Variants in DOCK5 observed in about 807,000 individuals in gnomAD.
DOCK5 encodes dedicator of cytokinesis protein 5.
A neutral mutation model predicts 251.8 loss-of-function variants in DOCK5; 142 were observed. The observed-to-expected ratio is 0.56, with a 90% CI of 0.49 to 0.65. The LOEUF (loss-of-function observed/expected upper bound fraction) is 0.65. Among genes scored for constraint, DOCK5 ranks in the 30% least tolerant of loss-of-function variants. The pLI is 0.00. For missense variants in DOCK5, 2,111 were observed against 2,312.3 expected (o/e 0.91, Z 1.79); for synonymous variants, 842 against 835.5 (o/e 1.01, Z -0.13).
At chr8:25,326,181 A>G (rs181675350) in intron 18 of DOCK5, among the ~76,000 whole-genome samples, 1 of 152,304 alleles carries the variant, frequency 6.6e-6, no homozygotes, top group Non-Finnish European at 1.5e-5. Flanking sequence ...TGTGTAAGGA[A>G]CCCTACTGGA....
At chr8:25,354,027 T>TAAA (rs1291938160) in intron 27 of DOCK5, among the ~76,000 whole-genome samples, 1 of 7,768 alleles carries the variant, frequency 1.3e-4, no homozygotes, top group African/African-American at 2.0e-4. Flanking sequence ...GACTTTGTCT[T>TAAA]AAAAAAAAAA....
At chr8:25,402,869 G>A (rs940362470) in intron 47 of DOCK5, among the ~76,000 whole-genome samples, 1 of 152,154 alleles carries the variant, frequency 6.6e-6, no homozygotes, top group African/African-American at 2.4e-5. Flanking sequence ...GTTTCCTCCA[G>A]GGTATCTTTT....
intron 1 of DOCK5, among the ~76,000 whole-genome samples, chr8:25,241,502 A>G (rs1802944344): frequency 6.6e-6 from 1 of 152,128 alleles, no homozygotes; most frequent in African/African-American, 2.4e-5. Flanking sequence ...TCAGGAAACA[A>G]CAGATGCTGG....
At chr8:25,341,115 T>C in intron 23 of DOCK5, 127 bp downstream of exon 23, 1 of 612,324 alleles carries the variant, frequency 1.6e-6, no homozygotes, top group Non-Finnish European at 2.8e-6. Context: ...TTATGAATTT[T>C]AGTATGATTT....
intron 40 of DOCK5, among the ~76,000 whole-genome samples, chr8:25,386,735 T>C (rs1801170998): frequency 6.6e-6 from 1 of 152,104 alleles, no homozygotes; most frequent in South Asian, 2.1e-4. Flanking sequence ...TCCCATGAAA[T>C]CAGAAATGTG....
intron 25 of DOCK5, among the ~76,000 whole-genome samples, chr8:25,344,597 T>C (rs1039721190): frequency 6.6e-6 from 1 of 152,238 alleles, no homozygotes; most frequent in African/African-American, 2.4e-5. Context: ...ATCAGTAGCC[T>C]CCTTGGGCTC....
intron 1 of DOCK5, among the ~76,000 whole-genome samples, chr8:25,236,263 T>C (rs761504851): frequency 6.6e-6 from 1 of 152,164 alleles, no homozygotes; most frequent in Non-Finnish European, 1.5e-5. Flanking sequence ...CCGTCCTGGA[T>C]GGGTCTGAGC....
chr8:25,287,501 G>A (rs1316757939), intron 5 of DOCK5, among the ~76,000 whole-genome samples: 2 of 152,128 alleles, frequency 1.3e-5, no homozygotes, highest in African/African-American at 4.8e-5. Context: ...CCAAGTAGAA[G>A]AGGGAGAAAT....
intron 5 of DOCK5, among the ~76,000 whole-genome samples, chr8:25,279,448 G>T (rs1804130833): frequency 6.6e-6 from 1 of 151,856 alleles, no homozygotes; most frequent in South Asian, 2.1e-4. Context: ...CATCTCCAGT[G>T]TAGAAAGCTC....
At chr8:25,373,708 G>A in intron 36 of DOCK5, 50 bp downstream of exon 36, 1 of 1,519,932 alleles carries the variant, frequency 6.6e-7, no homozygotes, top group Non-Finnish European at 8.9e-7. Flanking sequence ...ATGGCTTTGT[G>A]ATTGATTTCT....
At chr8:25,380,860 A>G (rs1452850881) in intron 39 of DOCK5, among the ~76,000 whole-genome samples, 2 of 151,680 alleles carry the variant, frequency 1.3e-5, no homozygotes, top group Admixed American at 6.6e-5. Context: ...CAGTGGAGGC[A>G]GCCACCATTC....
chr8:25,310,578 G>C (rs562724331), intron 13 of DOCK5, 46 bp downstream of exon 13: 1 of 1,541,502 alleles, frequency 6.5e-7, no homozygotes, highest in African/African-American at 1.4e-5. Flanking sequence ...CCTGTTCAGC[G>C]ATTATTTCTT....
At position 25,373,608 on chromosome 8, in the gene DOCK5, T is replaced by C; in HGVS notation, c.3685-10T>C. Reference sequence around the variant, plus strand: ...TGTTGGGATTCTGTGATCCTTTTTTTTCCTGGCAGAACTTTTATAAAGAAA... The same window carrying C: ...TGTTGGGATTCTGTGATCCTTTTTTCTCCTGGCAGAACTTTTATAAAGAAA... On this transcript the variant is annotated splice_polypyrimidine_tract_variant and intron_variant, in intron 35 of 51. Transcript: ENST00000276440. 1 of 1,590,440 alleles carries C rather than the reference T, an allele frequency of 6.3e-7. No homozygotes were observed. The highest frequency in any genetic ancestry group is 8.6e-7 in the Non-Finnish European group (1 of 1,167,536).
intron 1 of DOCK5, among the ~76,000 whole-genome samples, chr8:25,221,442 G>A (rs112367984): frequency 0.022 from 3,284 of 152,200 alleles, 123 homozygotes; most frequent in African/African-American, 0.075. Flanking sequence ...TTGAGTAGCC[G>A]GGATTACAGG....
intron 1 of DOCK5, among the ~76,000 whole-genome samples, chr8:25,209,152 C>T (rs1586230000): frequency 8.0e-6 from 1 of 125,422 alleles, no homozygotes; most frequent in East Asian, 2.2e-4. Context: ...TATGAAATGC[C>T]ATTTGAAGGA....
At chr8:25,391,828 G>T in intron 42 of DOCK5, 68 bp from the exon 43 acceptor site, 1 of 1,445,554 alleles carries the variant, frequency 6.9e-7, no homozygotes, top group Middle Eastern at 1.7e-4. Flanking sequence ...TATAGGTTTT[G>T]TTGAAGTCAA....
At chr8:25,381,772 G>A (rs1192888649) in intron 39 of DOCK5, among the ~76,000 whole-genome samples, 1 of 152,126 alleles carries the variant, frequency 6.6e-6, no homozygotes, top group Non-Finnish European at 1.5e-5. Context: ...GTAGGGGAGG[G>A]GGCTCAGGTC....
chr8:25,410,058 C>T, intron 50 of DOCK5, 41 bp from the exon 51 acceptor site: 1 of 1,539,724 alleles, frequency 6.5e-7, no homozygotes, highest in Admixed American at 1.8e-5. Context: ...CTTCCTTGCT[C>T]AGTGCCTCTC....
intron 44 of DOCK5, among the ~76,000 whole-genome samples, chr8:25,393,823 AATAC>A (rs1374189573): frequency 9.2e-5 from 14 of 152,210 alleles, no homozygotes; most frequent in African/African-American, 3.1e-4. Flanking sequence ...CAAGCCATGA[AATAC>A]ATACATCTTA....
Sources: allele counts gnomAD v4.1 joint callset (sites outside exome capture counted in the v4.1 genomes callset), GRCh38; gene constraint gnomAD v4.1.1; transcripts MANE v1.5; gene names NCBI Gene and HGNC (gene_info 2026-07-23, HGNC 2026-07-21).